DPY19L4: variants seen among roughly 807,000 people sequenced by gnomAD.
The protein encoded by DPY19L4 is probable C-mannosyltransferase DPY19L4.
Under a neutral mutation model 102.8 loss-of-function variants are expected in DPY19L4, and 97 were observed. That is an observed-to-expected ratio of 0.94 (90% CI 0.80 to 1.12). The LOEUF is 1.12. DPY19L4 is among the 50% of genes most tolerant of loss of function. The pLI, the probability that DPY19L4 is intolerant of heterozygous loss-of-function variation, is 0.00. For missense variants in DPY19L4, 815 were observed against 850.4 expected, an observed-to-expected ratio of 0.96 and a Z score of 0.52; for synonymous variants, 252 against 283.1, an observed-to-expected ratio of 0.89 and a Z score of 1.10.
chr8:94,755,435 T>A (rs1812117643), intron 6 of DPY19L4, among the ~76,000 whole-genome samples: 1 of 152,154 alleles, frequency 6.6e-6, no homozygotes, highest in African/African-American at 2.4e-5. Context: ...TGCAACAAGC[T>A]GTGTACCTTA....
At position 94,746,034 on chromosome 8, in the gene DPY19L4, G is replaced by T. The variant is rs184140376; in HGVS notation, c.611+6244G>T. 3.7e-4 allele frequency among the ~76,000 whole-genome samples: 55 copies of T among 148,654 alleles called. 1 individual carries two copies. The highest frequency in any genetic ancestry group is 1.3e-4 in the Non-Finnish European group (9 of 67,584). On this transcript the variant is annotated intron_variant, in intron 6 of 18. Transcript: ENST00000414645. Reference sequence around the variant, plus strand: ...CTCCCAACATGCTGGGATTACAGGCGTGAGCCACCATGCCTGGCCATTTTT... The same window carrying T: ...CTCCCAACATGCTGGGATTACAGGCTTGAGCCACCATGCCTGGCCATTTTT...
At chr8:94,722,701 T>C (rs140365430) in intron 1 of DPY19L4, among the ~76,000 whole-genome samples, 2 of 152,318 alleles carry the variant, frequency 1.3e-5, no homozygotes, top group East Asian at 3.9e-4. Flanking sequence ...TTTATGTTTA[T>C]TTGTCACTCT....
intron 6 of DPY19L4, among the ~76,000 whole-genome samples, chr8:94,747,528 T>C (rs890795832): frequency 6.6e-6 from 1 of 151,598 alleles, no homozygotes; most frequent in Non-Finnish European, 1.5e-5. Flanking sequence ...ATCCATGTGA[T>C]GTATAGTGTT....
chr8:94,721,708 A>G (rs907803534), intron 1 of DPY19L4, among the ~76,000 whole-genome samples: 1 of 152,272 alleles, frequency 6.6e-6, no homozygotes, highest in African/African-American at 2.4e-5. Flanking sequence ...TCTTTAATAC[A>G]TCATGCAAAA....
chr8:94,759,333 A>G (rs1812301391), intron 7 of DPY19L4, among the ~76,000 whole-genome samples: 1 of 151,802 alleles, frequency 6.6e-6, no homozygotes, highest in Non-Finnish European at 1.5e-5. Context: ...CATTTTACAG[A>G]GCGCTGATTG....
At chr8:94,740,368 G>A (rs1365987498) in intron 6 of DPY19L4, among the ~76,000 whole-genome samples, 2 of 152,118 alleles carry the variant, frequency 1.3e-5, no homozygotes, top group Non-Finnish European at 2.9e-5. Context: ...GAATGTGTGT[G>A]TGTATGCATC....
chr8:94,755,696 A>G (rs919222199), intron 6 of DPY19L4, among the ~76,000 whole-genome samples: 4 of 151,912 alleles, frequency 2.6e-5, no homozygotes, highest in Non-Finnish European at 4.4e-5. Context: ...GGAGTTTGAG[A>G]CAACACGGTG....
In DPY19L4 at chr8:94,781,220, GCTAT is replaced by G. The variant is rs1563616277; in HGVS notation, c.1715+58_1715+61del. On this transcript the variant is annotated intron_variant, in intron 16 of 18. Transcript: ENST00000414645. ...TTAAGCTATTAATTAATCACTGCAT[GCTAT>G]CTAATGAATTCACAGGAAATAATAA... The G allele has an allele frequency of 2.3e-6, 3 of 1,321,072 alleles. No homozygotes were observed. The African/African-American group carries it at 4.6e-5, about 20-fold the overall frequency. 81.8% of individuals were successfully genotyped at this position (1,321,072 alleles called of 1,614,324 possible). A position where few individuals can be genotyped will look rare whatever the true frequency, so the allele number is the denominator to read the frequency against.
intron 13 of DPY19L4, among the ~76,000 whole-genome samples, chr8:94,773,166 A>G (rs1480501310): frequency 6.7e-6 from 1 of 149,978 alleles, no homozygotes; most frequent in African/African-American, 2.5e-5. Flanking sequence ...GTGAGCCAAG[A>G]TCGTGCCACT....
chr8:94,739,779 C>T lies in DPY19L4; in HGVS notation c.600C>T (p.Phe200=), dbSNP rs914864475. ...CAGGAATGCTTACTGTTGCGTGGTTCGTTATTAACAGGTAAGAAAGCTGTT... is the reference window on the plus strand; with the variant it reads ...CAGGAATGCTTACTGTTGCGTGGTTTGTTATTAACAGGTAAGAAAGCTGTT... ...WLAGMLTVAW[F]VINRVDTTRI... Residue 200 remains phenylalanine (F), a synonymous_variant, in exon 6 of 19, where the codon TTC becomes TTT. Transcript: ENST00000414645. The T allele has an allele frequency of 5.6e-6, 9 of 1,611,754 alleles. No individual in the cohort carries two copies. Among genetic ancestry groups the T allele is most frequent in the Admixed American group, 3.3e-5 (2 of 59,876 alleles).
At chr8:94,749,137 C>T (rs572901399) in intron 6 of DPY19L4, among the ~76,000 whole-genome samples, 2 of 152,208 alleles carry the variant, frequency 1.3e-5, no homozygotes, top group East Asian at 3.9e-4. Context: ...AGACTTGCCC[C>T]CATGATTCAA....
At chr8:94,736,465 C>A (rs1811193124) in intron 3 of DPY19L4, among the ~76,000 whole-genome samples, 1 of 152,078 alleles carries the variant, frequency 6.6e-6, no homozygotes, top group Admixed American at 6.6e-5. Flanking sequence ...CTACAGAATT[C>A]TTTTTTGGTA....
intron 6 of DPY19L4, among the ~76,000 whole-genome samples, chr8:94,750,956 T>C (rs907542175): frequency 4.0e-5 from 6 of 151,158 alleles, no homozygotes; most frequent in Non-Finnish European, 8.8e-5. Context: ...AATTTTTATG[T>C]TTTTAGTAGA....
In DPY19L4 at chr8:94,793,419, A is replaced by C. The variant is rs1355062882; in HGVS notation, c.*3509A>C. 1 of 149,682 alleles carries C rather than the reference A, an allele frequency of 6.7e-6. No homozygotes were observed. The highest frequency in any genetic ancestry group is 1.5e-5 in the Non-Finnish European group (1 of 68,010). The allele number at this position is 149,682 out of a possible 1,614,324, so 9.3% of individuals were successfully genotyped here. A position where few individuals can be genotyped will look rare whatever the true frequency, so the allele number is the denominator to read the frequency against. On this transcript the variant is annotated 3_prime_UTR_variant, in exon 19 of 19. Transcript: ENST00000414645. ...TTTATACAACTGATGGGGTTTTAAA[A>C]AGTGTAAATTGCCTTTTTTGTTAAA...
intron 1 of DPY19L4, among the ~76,000 whole-genome samples, chr8:94,721,157 G>A (rs1003884307): frequency 1.3e-5 from 2 of 152,184 alleles, no homozygotes; most frequent in African/African-American, 4.8e-5. Flanking sequence ...TGTTGGTCAG[G>A]CTGGTCTTGA....
chr8:94,748,621 AATG>A (rs765458978), intron 6 of DPY19L4, among the ~76,000 whole-genome samples: 12 of 151,584 alleles, frequency 7.9e-5, no homozygotes, highest in African/African-American at 2.2e-4. Context: ...CAGCAGTGAC[AATG>A]ATGATGATGA....
chr8:94,782,500 G>A (rs1330128072), intron 16 of DPY19L4, among the ~76,000 whole-genome samples: 3 of 151,910 alleles, frequency 2.0e-5, no homozygotes, highest in Non-Finnish European at 4.4e-5. Context: ...AATTACTGTG[G>A]CCATTTTTGT....
rs1392951086 is a variant in DPY19L4 at position 94,793,112 on chromosome 8, G to C, written c.*3202G>C. The C allele has an allele frequency of 6.6e-6, 1 of 152,136 alleles. No individual in the cohort carries two copies. The highest frequency in any genetic ancestry group is 1.5e-5 in the Non-Finnish European group (1 of 68,028). 9.4% of individuals were successfully genotyped at this position (152,136 alleles called of 1,614,324 possible). ...TCTTCATTTACTTTCTGTGTATATAGGCAGCATATTTTTTTTGTAGAACAT... is the reference window on the plus strand; with the variant it reads ...TCTTCATTTACTTTCTGTGTATATACGCAGCATATTTTTTTTGTAGAACAT... On this transcript the variant is annotated 3_prime_UTR_variant, in exon 19 of 19. Transcript: ENST00000414645.
chr8:94,769,057 TTTTTG>T (rs1812807338), intron 12 of DPY19L4, among the ~76,000 whole-genome samples: 1 of 149,904 alleles, frequency 6.7e-6, no homozygotes, highest in African/African-American at 2.4e-5. Flanking sequence ...AAACTTAGTT[TTTTTG>T]TTTTTTTTTT....
Sources: gnomAD v4.1 joint callset for allele counts (sites outside exome capture counted in the v4.1 genomes callset) on GRCh38, gnomAD v4.1.1 for gene constraint, MANE v1.5 for transcripts, NCBI Gene and HGNC (gene_info 2026-07-23, HGNC 2026-07-21) for gene names.